SLC35E4: variants seen among roughly 807,000 people sequenced by gnomAD.
SLC35E4 encodes solute carrier family 35 member E4.
In SLC35E4, 15 loss-of-function variants were observed where a neutral mutation model predicts 19.3. The ratio of observed to expected loss-of-function variants is 0.78; its 90% CI spans 0.52 to 1.20. SLC35E4 has a LOEUF of 1.20. SLC35E4 is among the 50% of genes most tolerant of loss of function. SLC35E4 has a pLI of 0.00. For missense variants in SLC35E4, 406 were observed against 472.3 expected (o/e 0.86, Z 1.30); for synonymous variants, 219 against 219.9 (o/e 1.00, Z 0.04).
intron 1 of SLC35E4, among the ~76,000 whole-genome samples, chr22:30,640,189 G>A (rs932304995): frequency 2.0e-5 from 3 of 152,050 alleles, no homozygotes; most frequent in South Asian, 2.1e-4. Context: ...CCTGGCCAAC[G>A]TGGTGAAACC....
At chr22:30,665,696 A>G (rs1006620429), downstream of SLC35E4, 9 of 342,566 alleles carry the variant, frequency 2.6e-5, no homozygotes, top group South Asian at 2.1e-4. Flanking sequence ...GATCTGTCTG[A>G]TTATTTGATT....
In SLC35E4 at chr22:30,636,706, C is replaced by G; in HGVS notation, c.256C>G (p.His86Asp). 6.2e-7 allele frequency: 1 copy of G among 1,611,902 alleles called. No homozygotes were observed. The highest frequency in any genetic ancestry group is 1.3e-5 in the African/African-American group (1 of 75,018). The change falls in exon 1 of 2, where the codon CAC (histidine) becomes GAC (aspartate). Residue 86 changes from histidine (H) to aspartate (D), a missense_variant. By Grantham distance (81) the His-to-Asp change is moderately conservative. Transcript: ENST00000343605. ...FGRPLLLSAL[H>D]MLVAALACHR... ...GCGGCCCCTGCTGCTGTCGGCCCTG[C>G]ACATGCTGGTGGCAGCCCTGGCATG...
chr22:30,657,937 AATAATAATAATAATAATG>A lies in SLC35E4; in HGVS notation c.*9-4120_*9-4103del, dbSNP rs1229148791. ...TAATAATAATAATAATAATAATAAT[AATAATAATAATAATAATG>A]ATTAGCTGGATATGGTGTTGAGTAC... On this transcript the variant is annotated intron_variant, in intron 2 of 2. Coordinates refer to the SLC35E4 transcript ENST00000406566. Among the ~76,000 whole-genome samples the A allele has an allele frequency of 4.8e-5, 7 of 146,358 alleles. No homozygotes were observed. In the Admixed American group the frequency reaches 4.8e-4, roughly 10 times the overall value.
Position 30,636,869 on chromosome 22 carries a change from C to T in SLC35E4, c.419C>T (p.Thr140Ile). ...CCCCTGGACCTGGCACAACTGGTTACTACCACCACACCTCTGTTCACCCTG... is the reference window on the plus strand; with the variant it reads ...CCCCTGGACCTGGCACAACTGGTTATTACCACCACACCTCTGTTCACCCTG... ...AVPLDLAQLV[T>I]TTTPLFTLAL... is the part of the protein sequence containing the mutation. The change falls in exon 1 of 2, where the codon ACT (threonine) becomes ATT (isoleucine). Residue 140 changes from threonine (T) to isoleucine (I), a missense_variant. Physicochemically the swap from Thr to Ile is moderately conservative, Grantham distance 89. Transcript: ENST00000343605. 6.2e-7 allele frequency: 1 copy of T among 1,612,950 alleles called. No individual in the cohort carries two copies. Among genetic ancestry groups the T allele is most frequent in the Non-Finnish European group, 8.5e-7 (1 of 1,179,592 alleles).
At chr22:30,653,985 G>GTTTTTTTT (rs71814511) in intron 2 of SLC35E4, 2 of 143,448 alleles carry the variant, frequency 1.4e-5, no homozygotes, top group African/African-American at 2.7e-5. Flanking sequence ...TTGTTTTTTT[G>GTTTTTTTT]TTTTTTTTTT....
intron 1 of SLC35E4, among the ~76,000 whole-genome samples, chr22:30,639,362 AGGACCATAGGACC>A (rs1273459271): frequency 2.6e-5 from 4 of 152,182 alleles, no homozygotes; most frequent in Admixed American, 6.5e-5. Context: ...GCCAGATCAC[AGGACCATAGGACC>A]GGGGTGAAAT....
At chr22:30,662,299 G>T (rs1308439390) in exon 3 of SLC35E4, 1 of 152,188 alleles carries the variant, frequency 6.6e-6, no homozygotes. Context: ...TGAGGACACT[G>T]ATGCTCCCAG....
At chr22:30,667,046 G>A (rs1384295242), downstream of SLC35E4, 1 of 152,132 alleles carries the variant, frequency 6.6e-6, no homozygotes, top group African/African-American at 2.4e-5. Flanking sequence ...AGCTTGAGAG[G>A]GAGGAGGAGA....
chr22:30,639,177 G>T (rs2087996636), intron 1 of SLC35E4, among the ~76,000 whole-genome samples: 1 of 152,150 alleles, frequency 6.6e-6, no homozygotes, highest in Non-Finnish European at 1.5e-5. Context: ...TTAAAGCTGG[G>T]TGTCCGGGGG....
downstream of SLC35E4, chr22:30,663,926 G>A: frequency 6.2e-7 from 1 of 1,614,212 alleles, no homozygotes; most frequent in Non-Finnish European, 8.5e-7. Flanking sequence ...TGATATACAG[G>A]CTTTTGGTTA....
rs765993021 is a variant in SLC35E4 at position 30,646,581 on chromosome 22, C to T, written c.620-17C>T. ...GTTGTGTCCTTCTGGGTGCTCATGG[C>T]GGTTGTCCTGTTGCAGGTGCCCTGC... is the stretch of plus-strand genomic sequence containing the variant. On this transcript the variant is annotated splice_polypyrimidine_tract_variant and intron_variant, in intron 1 of 1. Coordinates refer to ENST00000343605, the MANE Select transcript of SLC35E4 (RefSeq NM_001001479.4). The T allele has an allele frequency of 7.6e-6, 12 of 1,582,178 alleles. No homozygotes were observed. The South Asian group carries it at 8.2e-5, about 11-fold the overall frequency.
rs937825270 is a variant in SLC35E4, at chr22:30,647,353, G to A, written c.*322G>A. The A allele has an allele frequency of 1.3e-4, 38 of 298,732 alleles. No individual in the cohort carries two copies. Among genetic ancestry groups the A allele is most frequent in the Non-Finnish European group, 8.7e-5 (14 of 160,496 alleles). The allele number at this position is 298,732 out of a possible 1,614,324, so 18.5% of individuals were successfully genotyped here. A position where few individuals can be genotyped will look rare whatever the true frequency, so the allele number is the denominator to read the frequency against. ...ATCGAGGCTGCAGTAAGCCAAGATC[G>A]CATGCTACTGCACTCCAGCCTGGGA... On this transcript the variant is annotated 3_prime_UTR_variant, in exon 2 of 2. Coordinates refer to ENST00000343605, the MANE Select transcript of SLC35E4 (RefSeq NM_001001479.4).
At chr22:30,638,707 G>T (rs551775492) in intron 1 of SLC35E4, among the ~76,000 whole-genome samples, 147 of 152,216 alleles carry the variant, frequency 9.7e-4, no homozygotes, top group Admixed American at 1.8e-3. Context: ...AGCTACTCAG[G>T]AGGCTGAGGT....
chr22:30,651,684 CTGT>C (rs759635790), downstream of SLC35E4, among the ~76,000 whole-genome samples: 3 of 151,812 alleles, frequency 2.0e-5, no homozygotes, highest in African/African-American at 4.8e-5. Context: ...TAGGGAAGAC[CTGT>C]TGTTGTGGTC....
Position 30,636,220 on chromosome 22 carries a change from G to A in SLC35E4, c.-231G>A. Reference sequence around the variant, plus strand: ...CCCACGCTTGAGCATCGGAGACCCTGGCATCCTAGCAGCCGCGACCTTGGC... The same window carrying A: ...CCCACGCTTGAGCATCGGAGACCCTAGCATCCTAGCAGCCGCGACCTTGGC... On this transcript the variant is annotated 5_prime_UTR_variant, in exon 1 of 2. Coordinates refer to ENST00000343605, the MANE Select transcript of SLC35E4 (RefSeq NM_001001479.4). 1.8e-6 allele frequency: 1 copy of A among 548,786 alleles called. No individual in the cohort carries two copies. The highest frequency in any genetic ancestry group is 3.0e-6 in the Non-Finnish European group (1 of 328,196). 34.0% of individuals were successfully genotyped at this position (548,786 alleles called of 1,614,324 possible).
chr22:30,638,871 C>T (rs1402693856), intron 1 of SLC35E4, among the ~76,000 whole-genome samples: 3 of 151,848 alleles, frequency 2.0e-5, no homozygotes, highest in African/African-American at 4.8e-5. Context: ...GAGGCTGAGG[C>T]ATAAGAATTC....
intron 1 of SLC35E4, among the ~76,000 whole-genome samples, chr22:30,642,797 A>C (rs1162237183): frequency 6.6e-6 from 1 of 151,468 alleles, no homozygotes; most frequent in Non-Finnish European, 1.5e-5. Flanking sequence ...TGGGAGGCCA[A>C]GGTGGGTGGA....
chr22:30,650,285 T>C (rs2088188444), downstream of SLC35E4, among the ~76,000 whole-genome samples: 1 of 151,200 alleles, frequency 6.6e-6, no homozygotes, highest in African/African-American at 2.4e-5. Context: ...TGAGCCGAGA[T>C]CATGCCATTG....
chr22:30,645,871 A>G (rs1238824289), intron 1 of SLC35E4, among the ~76,000 whole-genome samples: 1 of 141,072 alleles, frequency 7.1e-6, no homozygotes, highest in Non-Finnish European at 1.5e-5. Context: ...CCCAGGCTGG[A>G]GTGCAGTGGT....
Sources: gnomAD v4.1 joint callset for allele counts (sites outside exome capture counted in the v4.1 genomes callset) on GRCh38, gnomAD v4.1.1 for gene constraint, MANE v1.5 for transcripts, NCBI Gene and HGNC (gene_info 2026-07-23, HGNC 2026-07-21) for gene names.